Variants in CAMK2D observed in about 807,000 individuals in gnomAD.
CAMK2D encodes calcium/calmodulin dependent protein kinase II delta.
Under a neutral mutation model 84.0 loss-of-function variants are expected in CAMK2D, and 37 were observed. That is an observed-to-expected ratio of 0.44 (90% CI 0.34 to 0.58). The LOEUF (loss-of-function observed/expected upper bound fraction) is 0.58, where lower values mean the gene tolerates loss of function less well. Among genes scored for constraint, CAMK2D ranks in the 20% least tolerant of loss-of-function variants. The pLI is 0.02. For synonymous variants in CAMK2D, 202 were observed against 212.5 expected (o/e 0.95, Z 0.43); for missense variants, 448 against 652.5 (o/e 0.69, Z 3.41).
At chr4:113,487,976 C>G (rs775844464) in intron 16 of CAMK2D, among the ~76,000 whole-genome samples, 5 of 151,790 alleles carry the variant, frequency 3.3e-5, no homozygotes, top group Non-Finnish European at 7.4e-5. Context: ...ATGAGGAAAC[C>G]TGAGCCACAG....
At chr4:113,562,704 TAATC>T in intron 4 of CAMK2D, among the ~76,000 whole-genome samples, 1 of 152,380 alleles carries the variant, frequency 6.6e-6, no homozygotes, top group South Asian at 2.1e-4. Context: ...TTGATTTTAA[TAATC>T]AATTGTTCAT....
At chr4:113,501,324 C>G (rs1384328184) in intron 15 of CAMK2D, among the ~76,000 whole-genome samples, 1 of 141,278 alleles carries the variant, frequency 7.1e-6, no homozygotes, top group Non-Finnish European at 1.6e-5. Context: ...GATAAATGTG[C>G]TCATTAATAA....
chr4:113,727,473 G>GA lies in CAMK2D; in HGVS notation c.160+31846dup, dbSNP rs909625936. On this transcript the variant is annotated intron_variant, in intron 2 of 20. Transcript: ENST00000511664. ...GATGTTGGAACAACTGGACAAACAT[G>GA]AAAAAAAAAGAACTTTGCTCTTTAC... Among the ~76,000 whole-genome samples the GA allele has an allele frequency of 8.7e-5, 13 of 149,846 alleles. No homozygotes were observed. In the East Asian group the frequency reaches 1.2e-3, roughly 13 times the overall value.
chr4:113,479,892 A>G (rs764335933), intron 16 of CAMK2D, among the ~76,000 whole-genome samples: 18 of 152,148 alleles, frequency 1.2e-4, no homozygotes, highest in African/African-American at 1.4e-4. Context: ...TCTTATTGTT[A>G]TTATTATTTT....
intron 4 of CAMK2D, among the ~76,000 whole-genome samples, chr4:113,596,240 G>A (rs966021575): frequency 3.3e-5 from 5 of 152,168 alleles, no homozygotes; most frequent in Non-Finnish European, 7.3e-5. Flanking sequence ...TACACTTCCA[G>A]TTATAGTCTT....
chr4:113,703,942 T>A (rs1253870339), intron 2 of CAMK2D, among the ~76,000 whole-genome samples: 1 of 150,234 alleles, frequency 6.7e-6, no homozygotes, highest in Non-Finnish European at 1.5e-5. Flanking sequence ...TTTTTTTTTT[T>A]AAGAACCAGG....
At chr4:113,565,606 A>G (rs1296715805) in intron 4 of CAMK2D, among the ~76,000 whole-genome samples, 43 of 151,026 alleles carry the variant, frequency 2.8e-4, no homozygotes, top group Non-Finnish European at 3.0e-5. Flanking sequence ...AGCCGAGATC[A>G]TGCCACTGCA....
chr4:113,507,425 TTTTG>T (rs968454843), intron 13 of CAMK2D, among the ~76,000 whole-genome samples: 3 of 127,670 alleles, frequency 2.3e-5, no homozygotes, highest in South Asian at 2.4e-4. Flanking sequence ...AATTTCTGTT[TTTTG>T]TTTGTTTGTT....
intron 16 of CAMK2D, among the ~76,000 whole-genome samples, chr4:113,473,754 A>G (rs984210088): frequency 1.3e-5 from 2 of 152,230 alleles, no homozygotes; most frequent in Non-Finnish European, 2.9e-5. Context: ...GCCCTGTTAA[A>G]TTGCTATAGC....
At chr4:113,557,921 C>T (rs1446421845) in intron 4 of CAMK2D, among the ~76,000 whole-genome samples, 1 of 152,216 alleles carries the variant, frequency 6.6e-6, no homozygotes, top group East Asian at 1.9e-4. Flanking sequence ...CACTAATAGT[C>T]TACTCAGATA....
intron 2 of CAMK2D, among the ~76,000 whole-genome samples, chr4:113,746,404 CT>C (rs112216033): frequency 0.069 from 10,554 of 152,120 alleles, 1,001 homozygotes; most frequent in African/African-American, 0.21. Context: ...TTAGCCACCC[CT>C]GTTCATGCCT....
chr4:113,564,096 TAA>T (rs3064554), intron 4 of CAMK2D, among the ~76,000 whole-genome samples: 10 of 152,208 alleles, frequency 6.6e-5, no homozygotes, highest in African/African-American at 1.7e-4. Flanking sequence ...TTCCCTATAT[TAA>T]GAGTTTTTAT....
intron 3 of CAMK2D, among the ~76,000 whole-genome samples, chr4:113,613,006 G>GA (rs1171490091): frequency 4.1e-4 from 62 of 152,142 alleles, no homozygotes; most frequent in Non-Finnish European, 6.9e-4. Flanking sequence ...CATAAAGAAG[G>GA]GGTCAAATAG....
intron 4 of CAMK2D, among the ~76,000 whole-genome samples, chr4:113,605,529 A>C (rs2098973223): frequency 6.6e-6 from 1 of 152,228 alleles, no homozygotes; most frequent in African/African-American, 2.4e-5. Context: ...GAGAACTCAC[A>C]AAAGTGTTTT....
chr4:113,672,688 T>A (rs979340472), intron 2 of CAMK2D, among the ~76,000 whole-genome samples: 5 of 148,658 alleles, frequency 3.4e-5, no homozygotes, highest in Admixed American at 6.6e-5. Context: ...TGAATTAATT[T>A]AATTAATTAA....
intron 4 of CAMK2D, among the ~76,000 whole-genome samples, chr4:113,563,601 G>T (rs2098708890): frequency 6.6e-6 from 1 of 152,214 alleles, no homozygotes; most frequent in Non-Finnish European, 1.5e-5. Context: ...GTGGTTCAAT[G>T]GGTAGTTTGG....
chr4:113,486,882 G>A (rs908528699), intron 16 of CAMK2D, among the ~76,000 whole-genome samples: 9 of 152,110 alleles, frequency 5.9e-5, no homozygotes, highest in East Asian at 3.9e-4. Context: ...AGCCCAGTCC[G>A]TTTGAAACTC....
chr4:113,458,767 C>G (rs943938188), intron 18 of CAMK2D, among the ~76,000 whole-genome samples: 19 of 152,144 alleles, frequency 1.2e-4, no homozygotes, highest in African/African-American at 4.6e-4. Context: ...AAAATCCATG[C>G]CAAGGCAGAC....
chr4:113,460,138 TA>T lies in CAMK2D; in HGVS notation c.1306+8del. On this transcript the variant is annotated splice_region_variant and intron_variant, in intron 18 of 20. Coordinates refer to ENST00000511664, the MANE Select transcript of CAMK2D (RefSeq NM_001321571.2). ...AAAGGGCATGTTATTAAATTAGGAATAAATGTACCATTTTCAAAGTAGAATC... is the reference window on the plus strand; with the variant it reads ...AAAGGGCATGTTATTAAATTAGGAATAATGTACCATTTTCAAAGTAGAATC... 6.8e-7 allele frequency: 1 copy of T among 1,470,926 alleles called. No homozygotes were observed. Among genetic ancestry groups the T allele is most frequent in the Non-Finnish European group, 9.5e-7 (1 of 1,050,378 alleles). The allele number at this position is 1,470,926 out of a possible 1,614,324, so 91.1% of individuals were successfully genotyped here.
Sources: allele counts gnomAD v4.1 joint callset (sites outside exome capture counted in the v4.1 genomes callset), GRCh38; gene constraint gnomAD v4.1.1; transcripts MANE v1.5; gene names NCBI Gene and HGNC (gene_info 2026-07-23, HGNC 2026-07-21).